MMD2: variants seen among roughly 807,000 people sequenced by gnomAD.
MMD2 encodes the protein monocyte to macrophage differentiation factor 2.
In MMD2, 30 loss-of-function variants were observed where a neutral mutation model predicts 33.5. The observed-to-expected ratio is 0.90, with a 90% confidence interval of 0.67 to 1.22. The LOEUF is 1.22. MMD2 is among the 50% of genes most tolerant of loss of function. The pLI is 0.00. For synonymous variants in MMD2, 129 were observed against 123.0 expected, an observed-to-expected ratio of 1.05 and a Z score of -0.32; for missense variants, 364 against 325.4, an observed-to-expected ratio of 1.12 and a Z score of -0.91.
intron 2 of MMD2, among the ~76,000 whole-genome samples, chr7:4,921,587 C>T (rs1272555964): frequency 6.7e-6 from 1 of 148,930 alleles, no homozygotes; most frequent in Non-Finnish European, 1.5e-5. Flanking sequence ...CGCCACTGCA[C>T]TCCAGCCTGG....
the MMD2 span, among the ~76,000 whole-genome samples, chr7:4,897,440 A>G: frequency 6.6e-6 from 1 of 152,226 alleles, no homozygotes; most frequent in African/African-American, 2.4e-5. Context: ...TTTAAAAGTC[A>G]TGCCGCAAAC....
intron 1 of MMD2, among the ~76,000 whole-genome samples, chr7:4,938,665 G>A (rs953980207): frequency 1.3e-5 from 2 of 152,074 alleles, no homozygotes; most frequent in Admixed American, 6.6e-5. Context: ...CCAGGTTGTC[G>A]ACTTGGAAAG....
rs115322163 is a variant in MMD2 at position 4,908,503 on chromosome 7, G to A, written c.538-904C>T. On this transcript the variant is annotated intron_variant, in intron 6 of 6. Coordinates refer to ENST00000401401, the MANE Select transcript of MMD2 (RefSeq NM_198403.4). ...GTATATACCCAAAGAATTGAAAGCA[G>A]GGTCTTGACAGATACTTGCACACCC... 2.1e-3 allele frequency among the ~76,000 whole-genome samples: 320 copies of A among 152,256 alleles called. 1 individual carries two copies. Among genetic ancestry groups the A allele is most frequent in the African/African-American group, 7.2e-3 (298 of 41,544 alleles).
At chr7:4,910,914 A>G (rs1784988211) in intron 5 of MMD2, among the ~76,000 whole-genome samples, 1 of 152,164 alleles carries the variant, frequency 6.6e-6, no homozygotes, top group Non-Finnish European at 1.5e-5. Context: ...TGCTGGGATT[A>G]CAGATGTGAG....
Position 4,906,259 on chromosome 7 carries a change from T to C in MMD2, c.*1137A>G. Reference sequence around the variant, plus strand: ...TCCAGGCAGCATTGGACAGAGAGGCTGGCCCCGCCCTGACGGGGGCTGAAG... The same window carrying C: ...TCCAGGCAGCATTGGACAGAGAGGCCGGCCCCGCCCTGACGGGGGCTGAAG... On this transcript the variant is annotated 3_prime_UTR_variant, in exon 7 of 7. Transcript: ENST00000401401. The C allele has an allele frequency of 2.6e-6, 1 of 380,486 alleles. No homozygotes were observed. Among genetic ancestry groups the C allele is most frequent in the Non-Finnish European group, 4.7e-6 (1 of 214,854 alleles). The allele number at this position is 380,486 out of a possible 1,614,324, so 23.6% of individuals were successfully genotyped here.
intron 4 of MMD2, among the ~76,000 whole-genome samples, chr7:4,912,668 G>C (rs1378536550): frequency 1.3e-5 from 2 of 151,964 alleles, no homozygotes; most frequent in East Asian, 3.9e-4. Flanking sequence ...TGATGACTGA[G>C]GAAGAGGGTC....
At chr7:4,904,752 C>T (rs185325659), downstream of MMD2, among the ~76,000 whole-genome samples, 3 of 152,282 alleles carry the variant, frequency 2.0e-5, no homozygotes, top group East Asian at 5.8e-4. Flanking sequence ...AGGAAACTGA[C>T]CAAAGCTCCC....
At chr7:4,935,677 C>CAAAAAAAAAAAAAAAAAAAACAAAAA (rs1785720821) in intron 1 of MMD2, among the ~76,000 whole-genome samples, 1 of 86,308 alleles carries the variant, frequency 1.2e-5, no homozygotes, top group Non-Finnish European at 2.4e-5. Context: ...GACCCTGTCT[C>CAAAAAAAAAAAAAAAAAAAACAAAAA]AAAAAAAAAA....
intron 1 of MMD2, among the ~76,000 whole-genome samples, chr7:4,941,308 T>C (rs1288690581): frequency 2.0e-5 from 3 of 151,964 alleles, no homozygotes; most frequent in African/African-American, 7.3e-5. Context: ...ACTTTGAGAG[T>C]TGGTAAGTTT....
the MMD2 span, among the ~76,000 whole-genome samples, chr7:4,893,672 G>A: frequency 6.6e-6 from 1 of 152,058 alleles, no homozygotes; most frequent in African/African-American, 2.4e-5. Flanking sequence ...GATTACCCAT[G>A]AGCCACCACA....
At chr7:4,905,251 GAGA>G (rs530604082), downstream of MMD2, among the ~76,000 whole-genome samples, 65 of 150,736 alleles carry the variant, frequency 4.3e-4, no homozygotes, top group South Asian at 0.013. The surrounding 1 kb of genome is among the most constrained non-coding windows in gnomAD (Gnocchi z 5.0). Context: ...GGAGAAGGAG[GAGA>G]AGAGGAGGAG....
At chr7:4,957,542 G>C (rs60694459) in intron 1 of MMD2, among the ~76,000 whole-genome samples, 2,056 of 152,044 alleles carry the variant, frequency 0.014, 52 homozygotes, top group African/African-American at 0.047. Context: ...CCAGCTACTC[G>C]GAAGGCTGAA....
chr7:4,941,974 G>A (rs901267135), intron 1 of MMD2, among the ~76,000 whole-genome samples: 1 of 151,946 alleles, frequency 6.6e-6, no homozygotes, highest in Non-Finnish European at 1.5e-5. Context: ...ATATTTTTGA[G>A]ATGAAGTCTC....
chr7:4,928,187 C>A (rs1201206227), intron 1 of MMD2, among the ~76,000 whole-genome samples: 1 of 152,204 alleles, frequency 6.6e-6, no homozygotes, highest in Non-Finnish European at 1.5e-5. Context: ...AAACTTTCCC[C>A]TCAGGTCCGA....
the MMD2 span, among the ~76,000 whole-genome samples, chr7:4,898,280 G>A: frequency 1.3e-5 from 2 of 152,122 alleles, no homozygotes; most frequent in Non-Finnish European, 2.9e-5. Flanking sequence ...CATGGCCTGG[G>A]GGCACTCTGG....
chr7:4,951,034 C>T (rs980531573), intron 1 of MMD2, among the ~76,000 whole-genome samples: 1 of 151,960 alleles, frequency 6.6e-6, no homozygotes, highest in Non-Finnish European at 1.5e-5. Context: ...ATTTTGATCT[C>T]ATTGCATAAG....
chr7:4,919,858 T>C (rs1026780841), intron 3 of MMD2, among the ~76,000 whole-genome samples: 22 of 152,146 alleles, frequency 1.4e-4, no homozygotes, highest in African/African-American at 5.1e-4. Context: ...ATAGCGCCAC[T>C]GCACTCCTGC....
chr7:4,939,809 C>T (rs991081351), intron 1 of MMD2, among the ~76,000 whole-genome samples: 11 of 150,956 alleles, frequency 7.3e-5, no homozygotes, highest in Non-Finnish European at 1.6e-4. Flanking sequence ...GGCACAATCT[C>T]GGCTCACTGC....
chr7:4,907,508 A>G lies in MMD2; in HGVS notation c.629T>C (p.Phe210Ser). Reference sequence around the variant, plus strand: ...AAAGAGATGCCAGATGGCGTGGGCAAAGGGGATCCTCCCGTCACTCTTGAA... The same window carrying G: ...AAAGAGATGCCAGATGGCGTGGGCAGAGGGGATCCTCCCGTCACTCTTGAA... ...VFFKSDGRIP[F>S]AHAIWHLFVA... Residue 210 changes from phenylalanine (F) to serine (S), a missense_variant, in exon 7 of 7, where the codon TTT becomes TCT. Coordinates refer to ENST00000401401, the MANE Select transcript of MMD2 (RefSeq NM_198403.4). The G allele has an allele frequency of 6.2e-7, 1 of 1,613,938 alleles. No homozygotes were observed. The highest frequency in any genetic ancestry group is 8.5e-7 in the Non-Finnish European group (1 of 1,179,892).
Sources: allele counts gnomAD v4.1 joint callset (sites outside exome capture counted in the v4.1 genomes callset), GRCh38; gene constraint gnomAD v4.1.1; non-coding constraint Gnocchi (gnomAD v3.1); transcripts MANE v1.5; gene names NCBI Gene and HGNC (gene_info 2026-07-23, HGNC 2026-07-21).